The following CDK14 variants were observed in gnomAD, a reference collection of about 807,000 sequenced individuals.
The protein encoded by CDK14 is cyclin-dependent kinase 14.
A neutral mutation model predicts 60.7 loss-of-function variants in CDK14; 34 were observed. That is an observed-to-expected ratio of 0.56 (90% confidence interval 0.43 to 0.75). The LOEUF is 0.75. Ranked by LOEUF, CDK14 falls within the 30% of genes least tolerant of loss-of-function variation. CDK14 has a pLI of 0.00. For synonymous variants in CDK14, 197 were observed against 203.7 expected (o/e 0.97, Z 0.28); for missense variants, 482 against 564.1 (o/e 0.85, Z 1.47).
intron 2 of CDK14, among the ~76,000 whole-genome samples, chr7:90,621,837 C>T (rs989402600): frequency 1.3e-5 from 2 of 152,054 alleles, no homozygotes; most frequent in South Asian, 2.1e-4. Flanking sequence ...GATGGGGAAA[C>T]GGAAGTTTAG....
At chr7:91,005,263 G>A (rs946029936) in intron 10 of CDK14, among the ~76,000 whole-genome samples, 4 of 152,236 alleles carry the variant, frequency 2.6e-5, no homozygotes, top group African/African-American at 9.6e-5. Flanking sequence ...CTGGAAAGCT[G>A]GAAGGTGAAC....
intron 5 of CDK14, among the ~76,000 whole-genome samples, chr7:90,816,398 T>C (rs1197291059): frequency 6.6e-6 from 1 of 152,230 alleles, no homozygotes; most frequent in Non-Finnish European, 1.5e-5. Context: ...GTTATTCTAC[T>C]AAAAAGATAA....
At chr7:91,070,174 G>T (rs1418395364) in intron 11 of CDK14, among the ~76,000 whole-genome samples, 1 of 152,102 alleles carries the variant, frequency 6.6e-6, no homozygotes, top group African/African-American at 2.4e-5. Flanking sequence ...TCTCACACTG[G>T]TCTACATCAG....
chr7:90,756,036 T>G (rs2116841306), intron 4 of CDK14, among the ~76,000 whole-genome samples: 1 of 152,346 alleles, frequency 6.6e-6, no homozygotes, highest in South Asian at 2.1e-4. Context: ...TTGCCTATGT[T>G]CACACAGGTA....
chr7:91,005,694 T>C (rs886988940), intron 10 of CDK14, among the ~76,000 whole-genome samples: 1 of 152,200 alleles, frequency 6.6e-6, no homozygotes, highest in East Asian at 1.9e-4. Context: ...AACTGAGTTT[T>C]CTACACTTGG....
chr7:91,191,214 A>G (rs149085093), intron 14 of CDK14, among the ~76,000 whole-genome samples: 26 of 152,184 alleles, frequency 1.7e-4, no homozygotes, highest in African/African-American at 4.3e-4. Context: ...GTGCTTCTTT[A>G]TCATGAAAGA....
At position 91,057,402 on chromosome 7, in the gene CDK14, T is replaced by C. The variant is rs1407365260; in HGVS notation, c.1105+11442T>C. Among the ~76,000 whole-genome samples, 3 of 152,062 alleles carry C rather than the reference T, an allele frequency of 2.0e-5. No homozygotes were observed. The South Asian group carries it at 6.2e-4, about 32-fold the overall frequency. ...TTTCTTTTGCTGTGCAGAAGCTCTT[T>C]AGTTTAATTAGATCCCATTTGTCAA... is the stretch of plus-strand genomic sequence containing the variant. On this transcript the variant is annotated intron_variant, in intron 11 of 14. Coordinates refer to ENST00000380050, the MANE Select transcript of CDK14 (RefSeq NM_001287135.2).
At position 90,712,823 on chromosome 7, in the gene CDK14, T is replaced by A. The variant is rs547903533; in HGVS notation, c.124-13744T>A. The stretch of plus-strand genomic sequence containing the variant: ...TTGAATTTCACCCACTGTACTTGTG[T>A]CTCCTTTCTCTATTTTACTTCATAA... On this transcript the variant is annotated intron_variant, in intron 2 of 14. Transcript: ENST00000380050. 3.3e-5 allele frequency among the ~76,000 whole-genome samples: 5 copies of A among 152,200 alleles called. No individual in the cohort carries two copies. The South Asian group carries it at 1.0e-3, about 32-fold the overall frequency.
intron 5 of CDK14, among the ~76,000 whole-genome samples, chr7:90,814,698 C>T (rs909793658): frequency 2.6e-5 from 4 of 152,184 alleles, no homozygotes; most frequent in Non-Finnish European, 2.9e-5. Flanking sequence ...ATTGCTTGAA[C>T]CGAGGAGGTG....
chr7:90,706,048 A>G (rs185805015), intron 2 of CDK14, among the ~76,000 whole-genome samples: 1 of 152,296 alleles, frequency 6.6e-6, no homozygotes, highest in East Asian at 1.9e-4. Context: ...ATGACCTAGT[A>G]GATGTTAGTC....
At chr7:91,087,517 T>C (rs571092659) in intron 12 of CDK14, among the ~76,000 whole-genome samples, 2 of 152,340 alleles carry the variant, frequency 1.3e-5, no homozygotes, top group African/African-American at 4.8e-5. Flanking sequence ...TCTCTGAGCC[T>C]CAGCTTTTCA....
chr7:91,070,281 G>GTGGTGGTGGTAGTGATGGTGA (rs1157119869), intron 11 of CDK14, among the ~76,000 whole-genome samples: 23 of 152,066 alleles, frequency 1.5e-4, no homozygotes, highest in South Asian at 4.1e-4. Flanking sequence ...GGTGGTGGTG[G>GTGGTGGTGGTAGTGATGGTGA]TGGTGGTGGT....
chr7:90,925,570 A>G (rs891696019), intron 8 of CDK14, among the ~76,000 whole-genome samples: 3 of 152,234 alleles, frequency 2.0e-5, no homozygotes, highest in African/African-American at 7.2e-5. Flanking sequence ...TACAAGAACA[A>G]TGTAAAATAA....
At chr7:90,596,996 G>C (rs1033913611) in intron 1 of CDK14, among the ~76,000 whole-genome samples, 4 of 152,102 alleles carry the variant, frequency 2.6e-5, no homozygotes, top group African/African-American at 9.7e-5. Context: ...CCTTTCGCGC[G>C]CGTGGGGGAC....
intron 9 of CDK14, among the ~76,000 whole-genome samples, chr7:90,982,796 A>G (rs1204431398): frequency 6.6e-6 from 1 of 152,092 alleles, no homozygotes; most frequent in African/African-American, 2.4e-5. Flanking sequence ...GGGAGTGGGT[A>G]GGTTATGGGA....
chr7:90,630,046 A>AC (rs1799959500), intron 2 of CDK14, among the ~76,000 whole-genome samples: 1 of 70,584 alleles, frequency 1.4e-5, no homozygotes, highest in South Asian at 5.5e-4. Context: ...CTCAAACAAA[A>AC]CAAAACAAAA....
At chr7:90,884,040 C>T (rs1459751638) in intron 6 of CDK14, among the ~76,000 whole-genome samples, 1 of 152,164 alleles carries the variant, frequency 6.6e-6, no homozygotes, top group Non-Finnish European at 1.5e-5. Context: ...GGCAAGGATG[C>T]CCTGTCTCAC....
chr7:90,812,145 C>G (rs1789147081), intron 5 of CDK14, among the ~76,000 whole-genome samples: 1 of 152,196 alleles, frequency 6.6e-6, no homozygotes, highest in Non-Finnish European at 1.5e-5. Flanking sequence ...ATAAAACATG[C>G]TGTTATAAAG....
chr7:90,740,180 T>C (rs1803283189), intron 3 of CDK14, among the ~76,000 whole-genome samples: 1 of 151,864 alleles, frequency 6.6e-6, no homozygotes, highest in Non-Finnish European at 1.5e-5. Context: ...CCTCCGTTTC[T>C]TTCTATATTA....
Sources: gnomAD v4.1 joint callset for allele counts (sites outside exome capture counted in the v4.1 genomes callset) on GRCh38, gnomAD v4.1.1 for gene constraint, MANE v1.5 for transcripts, NCBI Gene and HGNC (gene_info 2026-07-23, HGNC 2026-07-21) for gene names.